The following PDE10A variants were observed in gnomAD, a reference collection of about 807,000 sequenced individuals.
PDE10A encodes phosphodiesterase 10A.
PDE10A carries 39 observed loss-of-function variants against 97.7 expected under a neutral mutation model. The observed-to-expected ratio is 0.40, with a 90% confidence interval of 0.31 to 0.52. The LOEUF (loss-of-function observed/expected upper bound fraction) is 0.52. Ranked by LOEUF, PDE10A falls within the 20% of genes least tolerant of loss-of-function variation. PDE10A has a pLI of 0.56. For missense variants in PDE10A, 731 were observed against 1,047.8 expected, an observed-to-expected ratio of 0.70 and a Z score of 4.17; for synonymous variants, 371 against 376.8, an observed-to-expected ratio of 0.98 and a Z score of 0.18.
chr6:165,419,018 G>A (rs960739109), intron 10 of PDE10A, among the ~76,000 whole-genome samples: 1 of 152,164 alleles, frequency 6.6e-6, no homozygotes, highest in Non-Finnish European at 1.5e-5. Context: ...CATCCATACT[G>A]CTGTGCTGGA....
At chr6:165,901,169 C>T (rs892446288) in intron 1 of PDE10A, among the ~76,000 whole-genome samples, 8 of 152,206 alleles carry the variant, frequency 5.3e-5, no homozygotes, top group African/African-American at 1.9e-4. Context: ...TCTATCAGGA[C>T]CTGGCCCTGT....
intron 3 of PDE10A, among the ~76,000 whole-genome samples, chr6:165,460,010 G>A (rs527273049): frequency 2.9e-4 from 44 of 152,328 alleles, no homozygotes; most frequent in African/African-American, 1.0e-3. Flanking sequence ...ATGGGAACCC[G>A]ATTTTGGGAA....
At chr6:165,588,004 A>C (rs927317734) in intron 1 of PDE10A, among the ~76,000 whole-genome samples, 3 of 152,112 alleles carry the variant, frequency 2.0e-5, no homozygotes, top group African/African-American at 7.2e-5. Flanking sequence ...AAACTAGATG[A>C]CTCTATTCTA....
intron 1 of PDE10A, among the ~76,000 whole-genome samples, chr6:165,628,965 T>C (rs1190205934): frequency 6.6e-6 from 1 of 152,194 alleles, no homozygotes; most frequent in African/African-American, 2.4e-5. Flanking sequence ...ATTTAAAAGC[T>C]AAGACTTTTG....
At chr6:165,573,292 T>A (rs796594417) in intron 1 of PDE10A, among the ~76,000 whole-genome samples, 5 of 133,706 alleles carry the variant, frequency 3.7e-5, no homozygotes, top group South Asian at 2.5e-4. Flanking sequence ...TTTTTTTTTT[T>A]AATCAGTAGA....
At chr6:165,415,746 G>A (rs559401788) in intron 12 of PDE10A, among the ~76,000 whole-genome samples, 1 of 152,252 alleles carries the variant, frequency 6.6e-6, no homozygotes, top group Admixed American at 6.5e-5. Flanking sequence ...ACTTATGCTA[G>A]GTCAGTTGAG....
chr6:165,526,620 T>C (rs1782462596), intron 2 of PDE10A, among the ~76,000 whole-genome samples: 2 of 152,238 alleles, frequency 1.3e-5, no homozygotes, highest in Non-Finnish European at 2.9e-5. Context: ...ATTTGGCCTT[T>C]GCAGAAGTCA....
At chr6:165,573,627 C>T (rs1279406248) in intron 1 of PDE10A, among the ~76,000 whole-genome samples, 1 of 152,128 alleles carries the variant, frequency 6.6e-6, no homozygotes, top group Non-Finnish European at 1.5e-5. Context: ...TTATAAGTGG[C>T]AACGAACTGA....
intron 1 of PDE10A, among the ~76,000 whole-genome samples, chr6:165,925,997 G>A (rs575205516): frequency 1.3e-5 from 2 of 152,208 alleles, no homozygotes; most frequent in Admixed American, 1.3e-4. Flanking sequence ...GGGTATATGA[G>A]GCTCTGTATT....
chr6:165,799,181 C>A (rs1778911937), intron 1 of PDE10A, among the ~76,000 whole-genome samples: 1 of 152,144 alleles, frequency 6.6e-6, no homozygotes, highest in South Asian at 2.1e-4. Context: ...CAAAGCCCAC[C>A]CCTGATGTGG....
intron 2 of PDE10A, among the ~76,000 whole-genome samples, chr6:165,490,199 C>T (rs1214204114): frequency 6.6e-6 from 1 of 152,212 alleles, no homozygotes; most frequent in Non-Finnish European, 1.5e-5. Context: ...GAGGCAAGAG[C>T]AGCAGGTAAC....
intron 3 of PDE10A, among the ~76,000 whole-genome samples, chr6:165,472,316 G>A (rs1790095436): frequency 1.3e-5 from 2 of 151,902 alleles, no homozygotes; most frequent in Non-Finnish European, 2.9e-5. Context: ...TCTCCCTGGT[G>A]TCCATATTAA....
At chr6:165,445,702 T>C (rs1790800322) in intron 5 of PDE10A, among the ~76,000 whole-genome samples, 1 of 152,242 alleles carries the variant, frequency 6.6e-6, no homozygotes. Context: ...CTTGAAGCCA[T>C]ACTACTTTAT....
intron 1 of PDE10A, among the ~76,000 whole-genome samples, chr6:165,557,190 CCACTGT>C (rs1382142199): frequency 8.6e-5 from 13 of 151,894 alleles, no homozygotes; most frequent in Non-Finnish European, 1.8e-4. Flanking sequence ...CTTATAGTAT[CCACTGT>C]CTTGAGAGAG....
chr6:165,662,118 CG>C lies in PDE10A; in HGVS notation c.693del (p.Gly232AlafsTer50), dbSNP rs1323099618. On this transcript the variant is annotated frameshift_variant, in exon 1 of 22. Transcript: ENST00000539869. LOFTEE classifies it high-confidence loss of function. ...LGQAARRAGS[P>X]GFPGAGPGGG... ...CCGCCTGGGCCGGCGCCGGGGAAGC[CG>C]GGGGAGCCCGCGCGGCGGGCGGCCT... The C allele has an allele frequency of 2.1e-5, 21 of 980,164 alleles. No individual in the cohort carries two copies. The highest frequency in any genetic ancestry group is 2.6e-5 in the Non-Finnish European group (21 of 814,236). 60.7% of individuals were successfully genotyped at this position (980,164 alleles called of 1,614,324 possible).
chr6:165,788,546 A>G (rs1293532015), intron 1 of PDE10A, among the ~76,000 whole-genome samples: 1 of 149,924 alleles, frequency 6.7e-6, no homozygotes, highest in Non-Finnish European at 1.5e-5. Flanking sequence ...AAAAGAAAAG[A>G]AAAGAAAAAG....
intron 2 of PDE10A, among the ~76,000 whole-genome samples, chr6:165,491,246 A>G (rs1326931583): frequency 6.6e-6 from 1 of 152,154 alleles, no homozygotes; most frequent in Non-Finnish European, 1.5e-5. Flanking sequence ...TGGAGCGCCC[A>G]AATTTATAAA....
chr6:165,895,224 G>A (rs946873216), intron 1 of PDE10A, among the ~76,000 whole-genome samples: 1 of 152,172 alleles, frequency 6.6e-6, no homozygotes, highest in Non-Finnish European at 1.5e-5. Flanking sequence ...GTGAGGATGA[G>A]GTCATACTCC....
intron 1 of PDE10A, among the ~76,000 whole-genome samples, chr6:165,919,451 C>T (rs568237213): frequency 6.6e-6 from 1 of 152,334 alleles, no homozygotes; most frequent in South Asian, 2.1e-4. Flanking sequence ...CACGTTTCTC[C>T]TATCAGCCCA....
Sources: allele counts gnomAD v4.1 joint callset (sites outside exome capture counted in the v4.1 genomes callset), GRCh38; gene constraint gnomAD v4.1.1; transcripts MANE v1.5; gene names NCBI Gene and HGNC (gene_info 2026-07-23, HGNC 2026-07-21).